Variants in ALS2CL observed in about 807,000 individuals in gnomAD.
The protein encoded by ALS2CL is ALS2 C-terminal-like protein.
In ALS2CL, 112 loss-of-function variants were observed where a neutral mutation model predicts 127.9. The ratio of observed to expected loss-of-function variants is 0.88; its 90% CI spans 0.75 to 1.02. ALS2CL has a LOEUF of 1.02. Ranked by LOEUF, ALS2CL falls within the 50% of genes least tolerant of loss-of-function variation. The pLI is 0.00. For missense variants in ALS2CL, 1,174 were observed against 1,236.7 expected (o/e 0.95, Z 0.76); for synonymous variants, 519 against 527.6 (o/e 0.98, Z 0.22).
intron 19 of ALS2CL, 106 bp from the exon 20 acceptor site, chr3:46,675,792 A>G: frequency 6.3e-7 from 1 of 1,575,088 alleles, no homozygotes; most frequent in Non-Finnish European, 8.6e-7. Context: ...AGAACTGTGG[A>G]CATGGCCTGC....
At chr3:46,679,013 A>T (rs908929816) in intron 15 of ALS2CL, among the ~76,000 whole-genome samples, 197 bp downstream of exon 15, 10 of 152,100 alleles carry the variant, frequency 6.6e-5, no homozygotes, top group Admixed American at 3.3e-4. Context: ...AGGCAAGGCC[A>T]CTGGTCCCCT....
intron 1 of ALS2CL, 65 bp from the exon 2 acceptor site, chr3:46,689,530 A>T (rs1420590074): frequency 7.9e-6 from 9 of 1,136,908 alleles, no homozygotes; most frequent in Non-Finnish European, 1.1e-5. Context: ...CCATCCTCTC[A>T]GGCAGGGTGC....
chr3:46,679,335 GC>G (rs763722876), intron 14 of ALS2CL, 48 bp from the exon 15 acceptor site: 1 of 1,470,954 alleles, frequency 6.8e-7, no homozygotes, highest in South Asian at 1.2e-5. Flanking sequence ...GTGAGGAAGG[GC>G]CAGGAAACTC....
Position 46,670,886 on chromosome 3 carries a change from G to A in ALS2CL, c.*98C>T. 1.6e-6 allele frequency: 2 copies of A among 1,262,566 alleles called. No homozygotes were observed. Among genetic ancestry groups the A allele is most frequent in the Non-Finnish European group, 2.3e-6 (2 of 871,310 alleles). 78.2% of individuals were successfully genotyped at this position (1,262,566 alleles called of 1,614,324 possible). ...AACAAAATGCTCATCTCCTCCAAGAGCTGCTTCTGAGGGCCTGTCCTGCCC... is the reference window on the plus strand; with the variant it reads ...AACAAAATGCTCATCTCCTCCAAGAACTGCTTCTGAGGGCCTGTCCTGCCC... On this transcript the variant is annotated 3_prime_UTR_variant, in exon 26 of 26. Transcript: ENST00000318962. This position sits in a 1 kb window ranked among gnomAD's most constrained non-coding sequence, Gnocchi z 5.5.
chr3:46,674,717 C>T lies in ALS2CL; in HGVS notation c.2278G>A (p.Val760Met), dbSNP rs1698672346. The T allele has an allele frequency of 6.2e-7, 1 of 1,612,530 alleles. No homozygotes were observed. Among genetic ancestry groups the T allele is most frequent in the Non-Finnish European group, 8.5e-7 (1 of 1,179,342 alleles). The change falls in exon 21 of 26, where the codon GTG becomes ATG. Residue 760 changes from valine (V) to methionine (M), a missense_variant. Val to Met is a conservative substitution (Grantham distance 21). Transcript: ENST00000318962. Reference sequence around the variant, plus strand: ...AAGCTGGGCAGCATGAGGGGCAGCACCAATCCATGCACCTGGAGGTCCCTG... The same window carrying T: ...AAGCTGGGCAGCATGAGGGGCAGCATCAATCCATGCACCTGGAGGTCCCTG... ...ETRDLQVHGL[V>M]LPLMLPSFYS...
intron 10 of ALS2CL, 79 bp from the exon 11 acceptor site, chr3:46,682,173 C>T (rs4683311): frequency 0.43 from 624,445 of 1,453,484 alleles, 138,047 homozygotes; most frequent in Non-Finnish European, 0.45. Flanking sequence ...CTCAGACGCC[C>T]TCCCTTCCTC....
Position 46,686,516 on chromosome 3 carries a change from G to A in ALS2CL, c.535-77C>T, listed in dbSNP as rs1367737799. On this transcript the variant is annotated intron_variant, in intron 5 of 25. Coordinates refer to ENST00000318962, the MANE Select transcript of ALS2CL (RefSeq NM_147129.5). This position sits in a 1 kb window ranked among gnomAD's most constrained non-coding sequence, Gnocchi z 4.3. The stretch of plus-strand genomic sequence containing the variant: ...TAGCCCAGTCCTGGTCCCGGCTGGT[G>A]GGGAGGCCTGAATCTAGGCCAGACC... 5 of 1,536,510 alleles carry A rather than the reference G, an allele frequency of 3.3e-6. No homozygotes were observed. The highest frequency in any genetic ancestry group is 4.4e-6 in the Non-Finnish European group (5 of 1,138,676).
In ALS2CL at chr3:46,671,068, G is replaced by C. The variant is rs1313206387; in HGVS notation, c.2782-4C>G. ...TCTGGATGTGCTCGTAACAGGACTG[G>C]AGGGAGAGAGGCAAGGCTGAGGCCA... is the stretch of plus-strand genomic sequence containing the variant. On this transcript the variant is annotated splice_region_variant and splice_polypyrimidine_tract_variant and intron_variant, in intron 25 of 25. Transcript: ENST00000318962. The C allele has an allele frequency of 6.2e-7, 1 of 1,614,024 alleles. No individual in the cohort carries two copies. Among genetic ancestry groups the C allele is most frequent in the South Asian group, 1.1e-5 (1 of 91,072 alleles).
chr3:46,684,141 G>T, intron 7 of ALS2CL, 94 bp from the exon 8 acceptor site: 1 of 1,396,674 alleles, frequency 7.2e-7, no homozygotes, highest in South Asian at 1.2e-5. Context: ...ACCTTGTGTG[G>T]CCACCAAGGC....
At position 46,675,691 on chromosome 3, in the gene ALS2CL, G is replaced by A; in HGVS notation, c.2187-5C>T. 5 of 1,613,504 alleles carry A rather than the reference G, an allele frequency of 3.1e-6. No homozygotes were observed. Among genetic ancestry groups the A allele is most frequent in the Non-Finnish European group, 4.2e-6 (5 of 1,180,028 alleles). ...AAGGCAACTCGCAGCAGACCCCTGT[G>A]AGTCAATGAGAGAGAAATGGTGTGG... On this transcript the variant is annotated splice_polypyrimidine_tract_variant and splice_region_variant and intron_variant, in intron 19 of 25. Transcript: ENST00000318962.
intron 15 of ALS2CL, 122 bp downstream of exon 15, chr3:46,679,088 G>A: frequency 9.9e-7 from 1 of 1,013,964 alleles, no homozygotes; most frequent in Non-Finnish European, 1.4e-6. Flanking sequence ...CCACTCCTTG[G>A]CTCCAAGGGA....
intron 4 of ALS2CL, 132 bp downstream of exon 4, chr3:46,687,487 T>C (rs1024436362): frequency 2.8e-6 from 3 of 1,063,752 alleles, no homozygotes; most frequent in Non-Finnish European, 4.1e-6. Context: ...TGCAGATTTG[T>C]AGAGCCAGGA....
At chr3:46,677,943 T>C (rs1698994803) in intron 16 of ALS2CL, among the ~76,000 whole-genome samples, 1 of 150,600 alleles carries the variant, frequency 6.6e-6, no homozygotes, top group African/African-American at 2.5e-5. Context: ...TGCTCTTATT[T>C]TCTATTTTTT....
Position 46,686,492 on chromosome 3 carries a change from AG to A in ALS2CL, c.535-54del, listed in dbSNP as rs1245871447. On this transcript the variant is annotated intron_variant, in intron 5 of 25. Transcript: ENST00000318962. This position sits in a 1 kb window ranked among gnomAD's most constrained non-coding sequence, Gnocchi z 4.3. ...AGGAGAGCTTACTGGAATCTTCCCT[AG>A]CCCAGTCCTGGTCCCGGCTGGTGGG... is the stretch of plus-strand genomic sequence containing the variant. 52 of 1,576,990 alleles carry A rather than the reference AG, an allele frequency of 3.3e-5. No individual in the cohort carries two copies. In the African/African-American group the frequency reaches 5.9e-4, roughly 18 times the overall value.
intron 20 of ALS2CL, 96 bp from the exon 21 acceptor site, chr3:46,674,835 A>C: frequency 7.9e-7 from 1 of 1,266,328 alleles, no homozygotes; most frequent in Non-Finnish European, 1.1e-6. Context: ...TCCACAACAA[A>C]CAGTGTCCTG....
Position 46,681,899 on chromosome 3 carries a change from C to A in ALS2CL, c.1175+130G>T. On this transcript the variant is annotated intron_variant, in intron 11 of 25. Transcript: ENST00000318962. The surrounding 1 kb of genome is among the most constrained non-coding windows in gnomAD (Gnocchi z 4.9). ...TTGGTACAGTGGGCGGGGGCTGGAC[C>A]GGATTGTCTCTAAGTTCCTGCTTGA... 2.5e-6 allele frequency: 3 copies of A among 1,192,108 alleles called. No homozygotes were observed. The highest frequency in any genetic ancestry group is 3.6e-6 in the Non-Finnish European group (3 of 836,370). 73.8% of individuals were successfully genotyped at this position (1,192,108 alleles called of 1,614,324 possible). A position where few individuals can be genotyped will look rare whatever the true frequency, so the allele number is the denominator to read the frequency against.
rs1185681688 is a variant in ALS2CL at position 46,670,909 on chromosome 3, C to T, written c.*75G>A. 6.8e-7 allele frequency: 1 copy of T among 1,461,872 alleles called. No individual in the cohort carries two copies. Among genetic ancestry groups the T allele is most frequent in the Non-Finnish European group, 9.6e-7 (1 of 1,044,160 alleles). 90.6% of individuals were successfully genotyped at this position (1,461,872 alleles called of 1,614,324 possible). A position where few individuals can be genotyped will look rare whatever the true frequency, so the allele number is the denominator to read the frequency against. On this transcript the variant is annotated 3_prime_UTR_variant, in exon 26 of 26. Coordinates refer to ENST00000318962, the MANE Select transcript of ALS2CL (RefSeq NM_147129.5). The surrounding 1 kb of genome is among the most constrained non-coding windows in gnomAD (Gnocchi z 5.5). ...GAGCTGCTTCTGAGGGCCTGTCCTG[C>T]CCCTTGCCTTGGGTAATGAGGGACA... is the stretch of plus-strand genomic sequence containing the variant.
Position 46,685,600 on chromosome 3 carries a change from C to A in ALS2CL, c.711G>T (p.Gln237His). The A allele has an allele frequency of 6.2e-7, 1 of 1,614,028 alleles. No individual in the cohort carries two copies. Among genetic ancestry groups the A allele is most frequent in the Non-Finnish European group, 8.5e-7 (1 of 1,179,960 alleles). ...TPAHRLLQDS[Q>H]DVPVTVAPLR... ...ACGGTGCGACCGTCACGGGTACGTC[C>A]TGGCTGTCCTGAAGGAGTCTGTGAG... Residue 237 changes from glutamine (Q) to histidine (H), a missense_variant, in exon 7 of 26, where the codon CAG becomes CAT. Coordinates refer to ENST00000318962, the MANE Select transcript of ALS2CL (RefSeq NM_147129.5).
chr3:46,684,149 G>A, intron 7 of ALS2CL, 102 bp from the exon 8 acceptor site: 1 of 1,339,516 alleles, frequency 7.5e-7, no homozygotes. Context: ...TGGCCACCAA[G>A]GCTATTCTGC....
Sources: allele counts gnomAD v4.1 joint callset (sites outside exome capture counted in the v4.1 genomes callset), GRCh38; gene constraint gnomAD v4.1.1; non-coding constraint Gnocchi (gnomAD v3.1); transcripts MANE v1.5; gene names NCBI Gene and HGNC (gene_info 2026-07-23, HGNC 2026-07-21).